KIF19: variants seen among roughly 807,000 people sequenced by gnomAD.
KIF19 encodes kinesin-like protein KIF19.
KIF19 carries 98 observed loss-of-function variants against 106.6 expected under a neutral mutation model. The ratio of observed to expected loss-of-function variants is 0.92; its 90% CI spans 0.78 to 1.09. The LOEUF (loss-of-function observed/expected upper bound fraction) is 1.09, where lower values mean the gene tolerates loss of function less well. Ranked by LOEUF, KIF19 falls within the 50% of genes least tolerant of loss-of-function variation. The probability of loss-of-function intolerance (pLI) is 0.00; values close to 1 mark genes in which losing one functional copy is unlikely to be tolerated. For synonymous variants in KIF19, 516 were observed against 584.2 expected (o/e 0.88, Z 1.68); for missense variants, 1,373 against 1,414.3 (o/e 0.97, Z 0.47).
In KIF19 at chr17:74,355,176, T is replaced by A. The variant is rs1250271970; in HGVS notation, c.2867-6T>A. 1.3e-6 allele frequency: 2 copies of A among 1,588,054 alleles called. No individual in the cohort carries two copies. Among genetic ancestry groups the A allele is most frequent in the Admixed American group, 3.5e-5 (2 of 57,384 alleles). On this transcript the variant is annotated splice_region_variant and splice_polypyrimidine_tract_variant and intron_variant, in intron 19 of 19. Transcript: ENST00000389916. The stretch of plus-strand genomic sequence containing the variant: ...ACCACTGATCCTGCCCCTTTCCCTG[T>A]TGCAGGCCCGGGGGACTCCTCACCC...
chr17:74,347,846 G>A lies in KIF19; in HGVS notation c.994G>A (p.Glu332Lys). 1 of 1,586,754 alleles carries A rather than the reference G, an allele frequency of 6.3e-7. No homozygotes were observed. Among genetic ancestry groups the A allele is most frequent in the Non-Finnish European group, 8.6e-7 (1 of 1,167,086 alleles). ...HISPASSAFE[E>K]SRNTLTYAGR... ...CAGTCCTGCGAGCAGTGCCTTCGAG[G>A]AGTCCCGGAACACCCTGACCTACGC... The change falls in exon 9 of 20, where the codon GAG becomes AAG. Residue 332 changes from glutamate to lysine, a missense_variant. Around this residue, in one of 3 missense-constraint regions of KIF19, gnomAD observed 1,020 missense variants for 1,008.2 expected, o/e 1.01. Transcript: ENST00000389916.
chr17:74,342,748 A>G (rs1483102026), intron 4 of KIF19, 31 bp downstream of exon 4: 38 of 1,575,354 alleles, frequency 2.4e-5, no homozygotes, highest in Non-Finnish European at 3.3e-5. Flanking sequence ...GTGGGCGAGG[A>G]CCGCAATGCC....
At position 74,349,329 on chromosome 17, in the gene KIF19, G is replaced by C; in HGVS notation, c.1193G>C (p.Gly398Ala). 6.2e-7 allele frequency: 1 copy of C among 1,604,558 alleles called. No homozygotes were observed. The highest frequency in any genetic ancestry group is 8.5e-7 in the Non-Finnish European group (1 of 1,175,832). The change falls in exon 10 of 20, where the codon GGT becomes GCT. Residue 398 changes from glycine (G) to alanine (A), a missense_variant. This residue lies in a region of KIF19 where 1,020 missense variants were observed against 1,008.2 expected (regional missense o/e 1.01). Transcript: ENST00000389916. Reference sequence around the variant, plus strand: ...CAGGCCCGGGGCCGGCAGGATCGGGGTGACATCCGCCACATCCAAGGTGCG... The same window carrying C: ...CAGGCCCGGGGCCGGCAGGATCGGGCTGACATCCGCCACATCCAAGGTGCG... ...RGQARGRQDR[G>A]DIRHIQAEVQ... is the part of the protein sequence containing the mutation.
intron 12 of KIF19, among the ~76,000 whole-genome samples, chr17:74,351,590 G>A (rs890610902): frequency 1.3e-4 from 20 of 152,178 alleles, no homozygotes; most frequent in Non-Finnish European, 1.2e-4. Flanking sequence ...AGGGTATCAT[G>A]AGCCCTGAGG....
chr17:74,347,645 G>A (rs555484609), intron 8 of KIF19, 132 bp from the exon 9 acceptor site: 21 of 1,031,912 alleles, frequency 2.0e-5, no homozygotes, highest in East Asian at 8.1e-5. Context: ...ACCATATGAC[G>A]CTCAGCAGCC....
At chr17:74,348,228 C>T (rs1376359641) in intron 9 of KIF19, among the ~76,000 whole-genome samples, 1 of 152,248 alleles carries the variant, frequency 6.6e-6, no homozygotes, top group Admixed American at 6.5e-5. Flanking sequence ...ATGGTCATCA[C>T]AGGAGGCAAG....
chr17:74,350,861 A>G lies in KIF19; in HGVS notation c.1543A>G (p.Ile515Val), dbSNP rs760649382. The change falls in exon 12 of 20, where the codon ATT becomes GTT. Residue 515 changes from isoleucine (I) to valine (V), a missense_variant. This residue lies in a region of KIF19 where 1,020 missense variants were observed against 1,008.2 expected (regional missense o/e 1.01). Transcript: ENST00000389916. ...CGAGGTGGCCGCAGCCCGGGAGAGC[A>G]TTGCAGCCCTGGTGGACGAGCAGAA... ...PPEVAAARES[I>V]AALVDEQKQL... 6.2e-7 allele frequency: 1 copy of G among 1,614,006 alleles called. No individual in the cohort carries two copies. Among genetic ancestry groups the G allele is most frequent in the Non-Finnish European group, 8.5e-7 (1 of 1,179,898 alleles).
At chr17:74,340,556 T>TACACACACACACACACACACACAC (rs61173377) in intron 2 of KIF19, among the ~76,000 whole-genome samples, 15 of 151,786 alleles carry the variant, frequency 9.9e-5, no homozygotes, top group African/African-American at 3.6e-4. Flanking sequence ...TGCGCGCGCG[T>TACACACACACACACACACACACAC]ACACACACAC....
rs1273648059 is a variant in KIF19, at chr17:74,326,408, T to G, written c.39+20T>G. ...CTCATGGTGAGACCCTTTTAGACCCTCCTCCCCACCCCGCTCCGTGGTCTA... is the reference window on the plus strand; with the variant it reads ...CTCATGGTGAGACCCTTTTAGACCCGCCTCCCCACCCCGCTCCGTGGTCTA... On this transcript the variant is annotated intron_variant, in intron 1 of 19. Transcript: ENST00000389916. The G allele has an allele frequency of 6.2e-7, 1 of 1,610,066 alleles. No homozygotes were observed.
At chr17:74,330,557 A>G (rs1196218375) in intron 2 of KIF19, among the ~76,000 whole-genome samples, 3 of 152,190 alleles carry the variant, frequency 2.0e-5, no homozygotes, top group Admixed American at 6.5e-5. Flanking sequence ...GGTTGGGACA[A>G]TGCTGACTCT....
chr17:74,355,491 G>A lies in KIF19; in HGVS notation c.*179G>A. 2.5e-6 allele frequency: 2 copies of A among 791,330 alleles called. No homozygotes were observed. The highest frequency in any genetic ancestry group is 3.8e-6 in the Non-Finnish European group (2 of 527,820). 49.0% of individuals were successfully genotyped at this position (791,330 alleles called of 1,614,324 possible). A position where few individuals can be genotyped will look rare whatever the true frequency, so the allele number is the denominator to read the frequency against. ...TGCCCAACCCTCCCATGCTTTCAGTGCCACTGGGGAAAAGAGGTGAGGCCA... is the reference window on the plus strand; with the variant it reads ...TGCCCAACCCTCCCATGCTTTCAGTACCACTGGGGAAAAGAGGTGAGGCCA... On this transcript the variant is annotated 3_prime_UTR_variant, in exon 20 of 20. Coordinates refer to ENST00000389916, the MANE Select transcript of KIF19 (RefSeq NM_153209.4).
intron 10 of KIF19, 53 bp downstream of exon 10, chr17:74,349,402 G>T (rs2054629509): frequency 1.3e-6 from 2 of 1,511,142 alleles, no homozygotes; most frequent in African/African-American, 1.4e-5. Flanking sequence ...GCCTCACGTT[G>T]CTCTGGGATC....
chr17:74,354,479 C>A lies in KIF19; in HGVS notation c.2626C>A (p.Leu876Met). The A allele has an allele frequency of 6.2e-7, 1 of 1,608,478 alleles. No individual in the cohort carries two copies. ...CTGGCTGCGTGGCCAGAAGAAAAGC[C>A]TGGGCAAGAAAAGGGAGGAGTCGCT... is the stretch of plus-strand genomic sequence containing the variant. The part of the protein sequence containing the change: ...RPWLRGQKKS[L>M]GKKREESLEA... Residue 876 changes from leucine to methionine, a missense_variant, in exon 18 of 20, where the codon CTG becomes ATG. Physicochemically the swap from Leu to Met is conservative, Grantham distance 15 (BLOSUM62 2). Transcript: ENST00000389916.
At position 74,355,284 on chromosome 17, in the gene KIF19, G is replaced by A; in HGVS notation, c.2969G>A (p.Gly990Asp). ...PRLPHGTSTH[G>D]KDGCSRHN ...CTGCCCCACGGCACAAGCACCCATG[G>A]CAAAGATGGATGCTCCCGGCATAAC... The change falls in exon 20 of 20, where the codon GGC becomes GAC. Residue 990 changes from glycine (G) to aspartate (D), a missense_variant. Around this residue, in one of 3 missense-constraint regions of KIF19, gnomAD observed 1,020 missense variants for 1,008.2 expected, o/e 1.01. Coordinates refer to ENST00000389916, the MANE Select transcript of KIF19 (RefSeq NM_153209.4). The A allele has an allele frequency of 6.2e-7, 1 of 1,612,042 alleles. No individual in the cohort carries two copies. Among genetic ancestry groups the A allele is most frequent in the Non-Finnish European group, 8.5e-7 (1 of 1,179,554 alleles).
At position 74,354,124 on chromosome 17, in the gene KIF19, T is replaced by G. The variant is rs201506741; in HGVS notation, c.2309-38T>G. ...CAGAGGAGGGTGTTGAGAGGTGGCCTTGATCTCGGGTTGTATGTTCCCCGT... is the reference window on the plus strand; with the variant it reads ...CAGAGGAGGGTGTTGAGAGGTGGCCGTGATCTCGGGTTGTATGTTCCCCGT... On this transcript the variant is annotated intron_variant, in intron 17 of 19. Transcript: ENST00000389916. 44 of 1,568,138 alleles carry G rather than the reference T, an allele frequency of 2.8e-5. No homozygotes were observed. In the Admixed American group the frequency reaches 3.0e-4, roughly 11 times the overall value.
chr17:74,343,278 C>T (rs2054435693), intron 5 of KIF19, 118 bp downstream of exon 5: 3 of 1,029,464 alleles, frequency 2.9e-6, no homozygotes, highest in South Asian at 3.2e-5. Flanking sequence ...GTGAGCTCCA[C>T]TTTACAAACA....
chr17:74,353,226 T>C lies in KIF19; in HGVS notation c.2145T>C (p.Thr715=). The C allele has an allele frequency of 6.3e-7, 1 of 1,589,106 alleles. No individual in the cohort carries two copies. Among genetic ancestry groups the C allele is most frequent in the South Asian group, 1.2e-5 (1 of 86,926 alleles). The stretch of plus-strand genomic sequence containing the variant: ...GCCACCACGTGTTCAAGGCTGGTAC[T>C]GGGGCCTGGCAGGCAAAAAGCTCCT... ...SEGHHVFKAG[T]GAWQAKSSSV... Residue 715 remains threonine, a synonymous_variant, in exon 16 of 20, where the codon ACT becomes ACC. Transcript: ENST00000389916.
Position 74,353,481 on chromosome 17 carries a change from C to A in KIF19, c.2221-13C>A. ...TTTAAGGGTTTCCTCCTCCCAACCA[C>A]TCCACCCCACAGGCCCCGGCTCAGG... On this transcript the variant is annotated splice_polypyrimidine_tract_variant and intron_variant, in intron 16 of 19. Transcript: ENST00000389916. The A allele has an allele frequency of 6.2e-7, 1 of 1,612,882 alleles. No homozygotes were observed. The highest frequency in any genetic ancestry group is 2.2e-5 in the East Asian group (1 of 44,888).
chr17:74,349,750 CT>C lies in KIF19; in HGVS notation c.1213+408del, dbSNP rs903609962. On this transcript the variant is annotated intron_variant, in intron 10 of 19. Coordinates refer to ENST00000389916, the MANE Select transcript of KIF19 (RefSeq NM_153209.4). ...GATGGTTTTCCAACAGACAGTAAAG[CT>C]TTTTTTAAAAAAAAATTTACTAATA... Among the ~76,000 whole-genome samples, 81 of 151,568 alleles carry C rather than the reference CT, an allele frequency of 5.3e-4. 1 individual carries two copies. The highest frequency in any genetic ancestry group is 1.9e-3 in the African/African-American group (77 of 41,296).
Sources: allele counts gnomAD v4.1 joint callset (sites outside exome capture counted in the v4.1 genomes callset), GRCh38; gene constraint gnomAD v4.1.1; regional missense constraint gnomAD v4.1.1; transcripts MANE v1.5; gene names NCBI Gene and HGNC (gene_info 2026-07-23, HGNC 2026-07-21).